CTBP1: variants seen among roughly 807,000 people sequenced by gnomAD.
CTBP1 encodes the protein C-terminal-binding protein 1.
A neutral mutation model predicts 42.1 loss-of-function variants in CTBP1; 11 were observed. The ratio of observed to expected loss-of-function variants is 0.26; its 90% CI spans 0.16 to 0.43. CTBP1 has a LOEUF of 0.43. Ranked by LOEUF, CTBP1 falls within the 20% of genes least tolerant of loss-of-function variation. The probability of loss-of-function intolerance (pLI) is 1.00; values close to 1 mark genes in which losing one functional copy is unlikely to be tolerated. For synonymous variants in CTBP1, 324 were observed against 277.1 expected, an observed-to-expected ratio of 1.17 and a Z score of -1.68; for missense variants, 399 against 624.3, an observed-to-expected ratio of 0.64 and a Z score of 3.85.
At chr4:1,241,593 G>T in intron 1 of CTBP1, 74 bp from the exon 2 acceptor site, 1 of 1,479,000 alleles carries the variant, frequency 6.8e-7, no homozygotes, top group African/African-American at 1.4e-5. Context: ...TCCAGGGAAC[G>T]CCTCAGAAGT....
chr4:1,244,078 G>T (rs1732461758), intron 1 of CTBP1: 1 of 985,280 alleles, frequency 1.0e-6, no homozygotes, highest in East Asian at 1.1e-4. Flanking sequence ...AGGTTCTCTG[G>T]AGGCATCAAG....
At chr4:1,221,971 C>T (rs1577031828) in intron 5 of CTBP1, 3 of 310,442 alleles carry the variant, frequency 9.7e-6, no homozygotes, top group East Asian at 1.1e-4. Context: ...CTAGTCTGCG[C>T]CGAGTGGCAC....
intron 5 of CTBP1, 49 bp from the exon 6 acceptor site, chr4:1,216,254 G>A (rs1729103479): frequency 6.5e-7 from 1 of 1,548,966 alleles, no homozygotes. Context: ...CCGTGGCCGG[G>A]AGGCCGGCCC....
chr4:1,245,205 G>C (rs1199592446), intron 1 of CTBP1: 1 of 985,338 alleles, frequency 1.0e-6, no homozygotes, highest in African/African-American at 1.7e-5. Context: ...CGCACTCCAC[G>C]GGGCCTGCAG....
intron 4 of CTBP1, among the ~76,000 whole-genome samples, chr4:1,225,798 A>C (rs1730274484): frequency 6.6e-6 from 1 of 152,070 alleles, no homozygotes; most frequent in African/African-American, 2.4e-5. Flanking sequence ...CAGCACACAC[A>C]CGGCAACTGC....
chr4:1,214,013 G>A (rs1728830670), intron 7 of CTBP1: 2 of 423,354 alleles, frequency 4.7e-6, no homozygotes, highest in South Asian at 7.2e-5. Flanking sequence ...AGGGGCTGCA[G>A]GTCTGGACGG....
chr4:1,215,448 G>A (rs1363432679), intron 6 of CTBP1: 2 of 202,776 alleles, frequency 9.9e-6, no homozygotes, highest in East Asian at 1.3e-4. Flanking sequence ...GCGGGAGGCA[G>A]CCATCCCCAG....
chr4:1,241,776 G>C, intron 1 of CTBP1: 7 of 1,189,876 alleles, frequency 5.9e-6, no homozygotes, highest in Non-Finnish European at 7.4e-6. Flanking sequence ...CCTACTCCTG[G>C]GAACAGTCCC....
intron 5 of CTBP1, among the ~76,000 whole-genome samples, chr4:1,219,907 A>C (rs1411367960): frequency 6.6e-6 from 1 of 152,234 alleles, no homozygotes; most frequent in Non-Finnish European, 1.5e-5. Flanking sequence ...CTAATAACCA[A>C]CTGTCAAGAA....
Position 1,212,416 on chromosome 4 carries a change from G to A in CTBP1, c.1114C>T (p.Pro372Ser). Residue 372 changes from proline (P) to serine (S), a missense_variant, in exon 10 of 10, where the codon CCG (proline) becomes TCG (serine). By Grantham distance (74) the Pro-to-Ser change is moderately conservative (BLOSUM62 -1). Coordinates refer to ENST00000382952, the MANE Select transcript of CTBP1 (RefSeq NM_001012614.2). ...ELNGAAYRYP[P>S]GVVGVAPTGI... is the part of the protein sequence containing the mutation. ...GTGGGGGCCACGCCCACCACGCCCG[G>A]AGGGTACCTGCTGGGAGAGGGTCCA... 1 of 1,460,838 alleles carries A rather than the reference G, an allele frequency of 6.8e-7. No homozygotes were observed. The highest frequency in any genetic ancestry group is 9.0e-7 in the Non-Finnish European group (1 of 1,109,258). The allele number at this position is 1,460,838 out of a possible 1,614,324, so 90.5% of individuals were successfully genotyped here. A position where few individuals can be genotyped will look rare whatever the true frequency, so the allele number is the denominator to read the frequency against.
intron 5 of CTBP1, chr4:1,221,759 C>CTGT (rs762705270): frequency 4.4e-5 from 18 of 411,184 alleles, no homozygotes; most frequent in Non-Finnish European, 6.8e-5. Context: ...CCCGAGGGAG[C>CTGT]TGTCTGTGTG....
In CTBP1 at chr4:1,233,999, C is replaced by G. The variant is rs546815786; in HGVS notation, c.162+4184G>C. Among the ~76,000 whole-genome samples, 6 of 152,218 alleles carry G rather than the reference C, an allele frequency of 3.9e-5. No individual in the cohort carries two copies. Among genetic ancestry groups the G allele is most frequent in the Non-Finnish European group, 7.3e-5 (5 of 68,038 alleles). On this transcript the variant is annotated intron_variant, in intron 3 of 9. Coordinates refer to ENST00000382952, the MANE Select transcript of CTBP1 (RefSeq NM_001012614.2). The surrounding 1 kb of genome is among the most constrained non-coding windows in gnomAD (Gnocchi z 4.6). ...GGTTCCCAGCACGTGGCTCCCCTCA[C>G]AGTCCAAGGTGGCTACCCCGGGTTC...
intron 6 of CTBP1, among the ~76,000 whole-genome samples, chr4:1,214,929 C>T (rs1728946521): frequency 6.6e-6 from 1 of 152,278 alleles, no homozygotes; most frequent in African/African-American, 2.4e-5. Flanking sequence ...GCAGCAGAGC[C>T]TCCGTCTTCG....
chr4:1,220,482 C>T (rs993152791), intron 5 of CTBP1, among the ~76,000 whole-genome samples: 5 of 152,134 alleles, frequency 3.3e-5, no homozygotes, highest in African/African-American at 1.2e-4. Flanking sequence ...AGTCAGCATT[C>T]CCAAAACTGA....
intron 7 of CTBP1, 65 bp downstream of exon 7, chr4:1,214,278 G>C (rs535412159): frequency 6.1e-6 from 9 of 1,473,728 alleles, no homozygotes; most frequent in Non-Finnish European, 8.1e-6. Flanking sequence ...GCGCCGTCTG[G>C]AGGTCAAGGC....
chr4:1,228,403 C>CG (rs1577048066), intron 3 of CTBP1, 60 bp from the exon 4 acceptor site: 2 of 1,574,992 alleles, frequency 1.3e-6, no homozygotes, highest in Non-Finnish European at 1.7e-6. Flanking sequence ...GCTTGGCCTT[C>CG]GGGGGTGGGG....
Position 1,235,178 on chromosome 4 carries a change from T to C in CTBP1, c.162+3005A>G, listed in dbSNP as rs1296160818. ...GGGGGCGTCCTTCTGGTTTGGGCTA[T>C]GGTGAGTTAAGCTGCTAGGGAGCAT... is the stretch of plus-strand genomic sequence containing the variant. On this transcript the variant is annotated intron_variant, in intron 3 of 9. Coordinates refer to ENST00000382952, the MANE Select transcript of CTBP1 (RefSeq NM_001012614.2). The surrounding 1 kb of genome is among the most constrained non-coding windows in gnomAD (Gnocchi z 4.2). 6.6e-6 allele frequency: 1 copy of C among 152,140 alleles called. No individual in the cohort carries two copies. Among genetic ancestry groups the C allele is most frequent in the Non-Finnish European group, 1.5e-5 (1 of 68,028 alleles). The allele number at this position is 152,140 out of a possible 1,614,324, so 9.4% of individuals were successfully genotyped here. A position where few individuals can be genotyped will look rare whatever the true frequency, so the allele number is the denominator to read the frequency against.
chr4:1,244,418 CCT>C, intron 1 of CTBP1: 3 of 985,154 alleles, frequency 3.0e-6, no homozygotes, highest in South Asian at 4.7e-5. Flanking sequence ...AGCAGCTACC[CCT>C]GTTCCTTCCC....
At chr4:1,248,536 C>T in intron 1 of CTBP1, 1 of 335,872 alleles carries the variant, frequency 3.0e-6, no homozygotes, top group South Asian at 1.2e-4. Flanking sequence ...GGGGTCATGA[C>T]CGGGGACGGG....
Sources: gnomAD v4.1 joint callset for allele counts (sites outside exome capture counted in the v4.1 genomes callset) on GRCh38, gnomAD v4.1.1 for gene constraint, Gnocchi (gnomAD v3.1) non-coding constraint, MANE v1.5 for transcripts, NCBI Gene and HGNC (gene_info 2026-07-23, HGNC 2026-07-21) for gene names.